APRT: variants seen among roughly 807,000 people sequenced by gnomAD.
APRT encodes AMP diphosphorylase.
A neutral mutation model predicts 21.0 loss-of-function variants in APRT; 25 were observed. The ratio of observed to expected loss-of-function variants is 1.19; its 90% CI spans 0.87 to 1.66. The LOEUF is 1.66. Ranked by LOEUF, APRT falls within the 40% of genes most tolerant of loss-of-function variation. APRT has a pLI of 0.00. For synonymous variants in APRT, 153 were observed against 109.0 expected (o/e 1.40, Z -2.52); for missense variants, 294 against 232.7 (o/e 1.26, Z -1.72).
At position 88,810,531 on chromosome 16, in the gene APRT, A is replaced by G; in HGVS notation, c.213T>C (p.Phe71=). The change falls in exon 3 of 5, where the codon TTT becomes TTC. Residue 71 remains phenylalanine, a synonymous_variant. Transcript: ENST00000378364. The part of the protein sequence containing the change: ...IAGLDSRGFL[F]GPSLAQELGL... ...CAAGCTCCTGGGCCAGGGAGGGGCC[A>G]AAGAGGAAGCCTCGGGAGTCTAGGC... is the stretch of plus-strand genomic sequence containing the variant. 1 of 1,612,110 alleles carries G rather than the reference A, an allele frequency of 6.2e-7. No individual in the cohort carries two copies.
rs902033355 is a variant in APRT, at chr16:88,810,089, A to G, written c.381T>C (p.Asp127=). The G allele has an allele frequency of 1.2e-6, 2 of 1,613,260 alleles. No homozygotes were observed. The highest frequency in any genetic ancestry group is 1.7e-5 in the Admixed American group (1 of 60,034). The change falls in exon 4 of 5, where the codon GAT becomes GAC. Residue 127 remains aspartate, a synonymous_variant. Coordinates refer to ENST00000378364, the MANE Select transcript of APRT (RefSeq NM_000485.3). The stretch of plus-strand genomic sequence containing the variant: ...CCTTACCACCAGTGGCCAGCAGATC[A>G]TCCACGACGACCACCCTCTGTCCTG... The part of the protein sequence containing the change: ...LEPGQRVVVV[D]DLLATGGTMN...
In APRT at chr16:88,809,494, C is replaced by A; in HGVS notation, c.*204G>T. On this transcript the variant is annotated 3_prime_UTR_variant, in exon 5 of 5. Transcript: ENST00000378364. Reference sequence around the variant, plus strand: ...TTGTGGGAAAGCTGTTTACTGCGTTCTCCCGCTGTGTGTAATTGGGTTCAG... The same window carrying A: ...TTGTGGGAAAGCTGTTTACTGCGTTATCCCGCTGTGTGTAATTGGGTTCAG... 1.2e-6 allele frequency: 1 copy of A among 813,482 alleles called. No individual in the cohort carries two copies. The highest frequency in any genetic ancestry group is 2.0e-6 in the Non-Finnish European group (1 of 490,932). 50.4% of individuals were successfully genotyped at this position (813,482 alleles called of 1,614,324 possible).
At position 88,809,815 on chromosome 16, in the gene APRT, C is replaced by T; in HGVS notation, c.426G>A (p.Leu142=). 1 of 1,612,702 alleles carries T rather than the reference C, an allele frequency of 6.2e-7. No homozygotes were observed. The highest frequency in any genetic ancestry group is 8.5e-7 in the Non-Finnish European group (1 of 1,179,976). ...TGGTMNAACE[L]LGRLQAEVLE... ...GGACCTCAGCCTGCAGGCGGCCCAG[C>T]AGCTCACAGGCAGCGTTCATGGTTC... The change falls in exon 5 of 5, where the codon CTG becomes CTA. Residue 142 remains leucine (L), a synonymous_variant. Transcript: ENST00000378364.
chr16:88,810,733 G>T (rs796598476), intron 2 of APRT, among the ~76,000 whole-genome samples, 177 bp from the exon 3 acceptor site: 1 of 152,178 alleles, frequency 6.6e-6, no homozygotes, highest in African/African-American at 2.4e-5. Flanking sequence ...TGCAGACCTG[G>T]GTCTGTCTTT....
In APRT at chr16:88,809,362, G is replaced by A. The variant is rs764741006; in HGVS notation, c.*336C>T. ...AGCTCCTGAGGTGAGAACCAGGACA[G>A]GTTCTGCTGGGCATCACGCCAAGCA... On this transcript the variant is annotated 3_prime_UTR_variant, in exon 5 of 5. Coordinates refer to ENST00000378364, the MANE Select transcript of APRT (RefSeq NM_000485.3). 5 of 482,620 alleles carry A rather than the reference G, an allele frequency of 1.0e-5. No homozygotes were observed. In the East Asian group the frequency reaches 2.3e-4, roughly 22 times the overall value. 29.9% of individuals were successfully genotyped at this position (482,620 alleles called of 1,614,324 possible). A position where few individuals can be genotyped will look rare whatever the true frequency, so the allele number is the denominator to read the frequency against.
At chr16:88,810,927 T>C (rs1909109341) in intron 2 of APRT, among the ~76,000 whole-genome samples, 2 of 151,986 alleles carry the variant, frequency 1.3e-5, no homozygotes, top group African/African-American at 2.4e-5. Flanking sequence ...GCTGTGATGG[T>C]TGGGGGACGC....
At chr16:88,811,026 A>G (rs897009084) in intron 2 of APRT, 2 of 271,238 alleles carry the variant, frequency 7.4e-6, no homozygotes, top group African/African-American at 4.4e-5. Flanking sequence ...TTGTGGCTCC[A>G]GCAAGAGCTG....
At chr16:88,810,306 G>A (rs1909070882) in intron 3 of APRT, 117 bp downstream of exon 3, 5 of 1,531,500 alleles carry the variant, frequency 3.3e-6, no homozygotes, top group Admixed American at 3.6e-5. Flanking sequence ...GAGCTCCCAA[G>A]GCCACTGTAA....
rs1261219212 is a variant in APRT, at chr16:88,811,876, C to CA, written c.23dup (p.Val9GlyfsTer2). On this transcript the variant is annotated frameshift_variant, in exon 1 of 5. Coordinates refer to ENST00000378364, the MANE Select transcript of APRT (RefSeq NM_000485.3). LOFTEE classifies it high-confidence loss of function. ...GGAAGCTGCGGATCCGCTGCTCAACCAGCTGCAGCTCGGAGTCGGCCATGG... is the reference window on the plus strand; with the variant it reads ...GGAAGCTGCGGATCCGCTGCTCAACCAAGCTGCAGCTCGGAGTCGGCCATGG... The CA allele has an allele frequency of 3.2e-6, 5 of 1,564,182 alleles. No individual in the cohort carries two copies. In the African/African-American group the frequency reaches 6.8e-5, roughly 21 times the overall value.
Position 88,810,495 on chromosome 16 carries a change from G to C in APRT, c.249C>G (p.Cys83Trp), listed in dbSNP as rs749439155. 1 of 1,612,280 alleles carries C rather than the reference G, an allele frequency of 6.2e-7. No individual in the cohort carries two copies. Among genetic ancestry groups the C allele is most frequent in the Non-Finnish European group, 8.5e-7 (1 of 1,179,938 alleles). Residue 83 changes from cysteine (C) to tryptophan (W), a missense_variant, in exon 3 of 5, where the codon TGC becomes TGG. Transcript: ENST00000378364. ...GCTTCCCCCGCTTTCGGATGAGCAC[G>C]CAGCCCAGTCCAAGCTCCTGGGCCA... ...PSLAQELGLG[C>W]VLIRKRGKLP...
intron 2 of APRT, 24 bp from the exon 3 acceptor site, chr16:88,810,580 G>T (rs748250182): frequency 3.1e-6 from 5 of 1,608,120 alleles, no homozygotes; most frequent in Non-Finnish European, 4.2e-6. Context: ...TGACAGGAGT[G>T]ACTCGGCAGC....
intron 2 of APRT, 26 bp from the exon 3 acceptor site, chr16:88,810,582 C>CT (rs1013061969): frequency 1.9e-6 from 3 of 1,607,882 alleles, no homozygotes; most frequent in African/African-American, 1.3e-5. Flanking sequence ...ACAGGAGTGA[C>CT]TCGGCAGCAT....
Position 88,811,889 on chromosome 16 carries a change from G to C in APRT, c.11C>G (p.Ser4Cys), listed in dbSNP as rs765071048. Reference protein sequence around the residue: MADSELQLVEQRIR... With the variant: MADCELQLVEQRIR... ...CCGCTGCTCAACCAGCTGCAGCTCG[G>C]AGTCGGCCATGGCCGCGTGCGAAGA... is the stretch of plus-strand genomic sequence containing the variant. The change falls in exon 1 of 5, where the codon TCC (serine) becomes TGC (cysteine). Residue 4 changes from serine to cysteine, a missense_variant. Coordinates refer to ENST00000378364, the MANE Select transcript of APRT (RefSeq NM_000485.3). The C allele has an allele frequency of 6.4e-7, 1 of 1,557,190 alleles. No individual in the cohort carries two copies. The highest frequency in any genetic ancestry group is 1.2e-5 in the South Asian group (1 of 84,666).
Position 88,810,422 on chromosome 16 carries a change from C to G in APRT, c.321+1G>C. 6.2e-7 allele frequency: 1 copy of G among 1,611,830 alleles called. No individual in the cohort carries two copies. Among genetic ancestry groups the G allele is most frequent in the Non-Finnish European group, 8.5e-7 (1 of 1,180,000 alleles). On this transcript the variant is annotated splice_donor_variant, in intron 3 of 4. Coordinates refer to ENST00000378364, the MANE Select transcript of APRT (RefSeq NM_000485.3). LOFTEE classifies it high-confidence loss of function. The stretch of plus-strand genomic sequence containing the variant: ...TCCTCTGGCCACCCCAGCCCTCTTA[C>G]CTTCCCGTACTCCAGGGAATAGGAG...
Position 88,810,474 on chromosome 16 carries a change from C to T in APRT, c.270G>A (p.Gly90=), listed in dbSNP as rs200417820. 2.5e-6 allele frequency: 4 copies of T among 1,612,218 alleles called. No homozygotes were observed. The Admixed American group carries it at 5.0e-5, about 20-fold the overall frequency. Residue 90 remains glycine, a synonymous_variant, in exon 3 of 5, where the codon GGG becomes GGA. Transcript: ENST00000378364. Reference sequence around the variant, plus strand: ...CCCACAGAGTGGGGCCTGGCAGCTTCCCCCGCTTTCGGATGAGCACGCAGC... The same window carrying T: ...CCCACAGAGTGGGGCCTGGCAGCTTTCCCCGCTTTCGGATGAGCACGCAGC... The part of the protein sequence containing the change: ...GLGCVLIRKR[G]KLPGPTLWAS...
Position 88,810,111 on chromosome 16 carries a change from C to T in APRT, c.359G>A (p.Gly120Glu), listed in dbSNP as rs776948275. 3 of 1,613,322 alleles carry T rather than the reference C, an allele frequency of 1.9e-6. No individual in the cohort carries two copies. The highest frequency in any genetic ancestry group is 1.3e-5 in the African/African-American group (1 of 75,064). Residue 120 changes from glycine (G) to glutamate (E), a missense_variant, in exon 4 of 5, where the codon GGA becomes GAA. Transcript: ENST00000378364. ...LEIQKDALEPGQRVVVVDDLL... is the reference protein window; with the variant it reads ...LEIQKDALEPEQRVVVVDDLL... ...ATCATCCACGACGACCACCCTCTGT[C>T]CTGGCTCCAGGGCGTCTTTCTGAAT...
At chr16:88,809,883 G>A in intron 4 of APRT, 43 bp from the exon 5 acceptor site, 2 of 1,603,330 alleles carry the variant, frequency 1.2e-6, no homozygotes, top group Admixed American at 1.7e-5. Flanking sequence ...CTGGGCTGCA[G>A]AGAGCAGGTG....
Position 88,809,599 on chromosome 16 carries a change from G to A in APRT, c.*99C>T, listed in dbSNP as rs1909025931. ...GCGCTGAACCCCAGCAAAGGAATGT[G>A]TTCCCTGTGGGCAGCCGGTGCCCCT... On this transcript the variant is annotated 3_prime_UTR_variant, in exon 5 of 5. Transcript: ENST00000378364. 2.6e-6 allele frequency: 4 copies of A among 1,562,932 alleles called. No homozygotes were observed. The highest frequency in any genetic ancestry group is 2.6e-6 in the Non-Finnish European group (3 of 1,138,168).
In APRT at chr16:88,811,691, C is replaced by G. The variant is rs1393941859; in HGVS notation, c.81-35G>C. ...AGGACAGGCCTGGTGACGCCGGGGCCGAAGGAGGGCAGGGCCCCGGGGGCG... is the reference window on the plus strand; with the variant it reads ...AGGACAGGCCTGGTGACGCCGGGGCGGAAGGAGGGCAGGGCCCCGGGGGCG... On this transcript the variant is annotated intron_variant, in intron 1 of 4. Transcript: ENST00000378364. 3.3e-6 allele frequency: 5 copies of G among 1,531,152 alleles called. No individual in the cohort carries two copies. In the Admixed American group the frequency reaches 9.9e-5, roughly 30 times the overall value. 94.8% of individuals were successfully genotyped at this position (1,531,152 alleles called of 1,614,324 possible). A position where few individuals can be genotyped will look rare whatever the true frequency, so the allele number is the denominator to read the frequency against.
Sources: gnomAD v4.1 joint callset for allele counts (sites outside exome capture counted in the v4.1 genomes callset) on GRCh38, gnomAD v4.1.1 for gene constraint, MANE v1.5 for transcripts, NCBI Gene and HGNC (gene_info 2026-07-23, HGNC 2026-07-21) for gene names.